CDK5RAP2: variants seen among roughly 807,000 people sequenced by gnomAD.
CDK5RAP2 encodes the protein CDK5 regulatory subunit associated protein 2.
Under a neutral mutation model 232.9 loss-of-function variants are expected in CDK5RAP2, and 147 were observed. The ratio of observed to expected loss-of-function variants is 0.63; its 90% CI spans 0.55 to 0.72. The LOEUF is 0.72. Among genes scored for constraint, CDK5RAP2 ranks in the 30% least tolerant of loss-of-function variants. The pLI is 0.00. For missense variants in CDK5RAP2, 2,195 were observed against 2,231.5 expected, an observed-to-expected ratio of 0.98 and a Z score of 0.33; for synonymous variants, 833 against 833.7, an observed-to-expected ratio of 1.00 and a Z score of 0.01.
At chr9:120,394,665 G>T (rs775760128) in intron 35 of CDK5RAP2, 27 bp from the exon 36 acceptor site, 3 of 1,524,564 alleles carry the variant, frequency 2.0e-6, no homozygotes, top group South Asian at 1.1e-5. Flanking sequence ...TTAGAAAAAT[G>T]AACAAAGAAC....
intron 5 of CDK5RAP2, among the ~76,000 whole-genome samples, chr9:120,541,009 T>C (rs2041609449): frequency 6.6e-6 from 1 of 152,236 alleles, no homozygotes; most frequent in Non-Finnish European, 1.5e-5. Context: ...CTGTCTTGAA[T>C]TCACAGTGAT....
In CDK5RAP2 at chr9:120,527,988, A is replaced by G. The variant is rs1359593178; in HGVS notation, c.880-63T>C. 2.5e-6 allele frequency: 4 copies of G among 1,594,612 alleles called. No homozygotes were observed. In the East Asian group the frequency reaches 6.7e-5, roughly 27 times the overall value. On this transcript the variant is annotated intron_variant, in intron 9 of 37. Transcript: ENST00000349780. ...GTTCCAACCAAAATGCACCATAAAT[A>G]TATCTTTAAGAGCACACTCAAATGC...
intron 4 of CDK5RAP2, among the ~76,000 whole-genome samples, chr9:120,546,427 T>G (rs1457801929): frequency 6.6e-6 from 1 of 152,176 alleles, no homozygotes; most frequent in Non-Finnish European, 1.5e-5. Flanking sequence ...GCCTTGGGCT[T>G]ATAACTCACG....
intron 18 of CDK5RAP2, among the ~76,000 whole-genome samples, chr9:120,461,279 T>G (rs1175520319): frequency 6.6e-6 from 1 of 152,268 alleles, no homozygotes; most frequent in Non-Finnish European, 1.5e-5. Context: ...AACTTTATGC[T>G]TTTGGAAATG....
intron 6 of CDK5RAP2, among the ~76,000 whole-genome samples, chr9:120,538,030 T>G (rs2041469702): frequency 6.6e-6 from 1 of 152,176 alleles, no homozygotes; most frequent in Non-Finnish European, 1.5e-5. Context: ...GTAAGTTAGA[T>G]CTCATAATTA....
At chr9:120,454,012 C>A in intron 20 of CDK5RAP2, 139 bp from the exon 21 acceptor site, 1 of 823,974 alleles carries the variant, frequency 1.2e-6, no homozygotes, top group South Asian at 1.4e-5. Flanking sequence ...CCACAACGTG[C>A]CAGGGCCCAC....
At chr9:120,477,626 G>A (rs1423163752) in intron 14 of CDK5RAP2, among the ~76,000 whole-genome samples, 176 bp from the exon 15 acceptor site, 1 of 152,158 alleles carries the variant, frequency 6.6e-6, no homozygotes, top group Non-Finnish European at 1.5e-5. Flanking sequence ...CAGGAGGAGT[G>A]GGGAATGACT....
intron 12 of CDK5RAP2, among the ~76,000 whole-genome samples, chr9:120,513,030 T>C (rs2040166473): frequency 6.6e-6 from 1 of 152,172 alleles, no homozygotes; most frequent in Non-Finnish European, 1.5e-5. Context: ...TTATCCTACC[T>C]GTGGGATGCA....
At chr9:120,572,095 T>C (rs2042876628) in intron 1 of CDK5RAP2, 54 bp from the exon 2 acceptor site, 2 of 1,336,916 alleles carry the variant, frequency 1.5e-6, no homozygotes, top group East Asian at 2.3e-5. Context: ...CAACAGAGAC[T>C]GTTAAGACGG....
chr9:120,397,944 A>C (rs1402879425), intron 35 of CDK5RAP2, among the ~76,000 whole-genome samples: 1 of 152,188 alleles, frequency 6.6e-6, no homozygotes, highest in African/African-American at 2.4e-5. Flanking sequence ...AACCACTGTA[A>C]ATCCATAGGG....
chr9:120,546,879 C>T (rs1197366612), intron 4 of CDK5RAP2, among the ~76,000 whole-genome samples: 1 of 152,220 alleles, frequency 6.6e-6, no homozygotes, highest in Non-Finnish European at 1.5e-5. Context: ...TCAAATGATA[C>T]TCCTGCTTCA....
At chr9:120,498,358 G>A (rs1046102127) in intron 12 of CDK5RAP2, among the ~76,000 whole-genome samples, 3 of 152,132 alleles carry the variant, frequency 2.0e-5, no homozygotes, top group African/African-American at 7.2e-5. Flanking sequence ...CACCAGACAA[G>A]CCCAAATTTA....
At chr9:120,440,123 A>G in intron 23 of CDK5RAP2, 151 bp from the exon 24 acceptor site, 1 of 693,332 alleles carries the variant, frequency 1.4e-6, no homozygotes, top group East Asian at 2.7e-5. Flanking sequence ...CACTTCCCTC[A>G]AAAAGCCTCC....
At chr9:120,468,089 CTT>C in intron 17 of CDK5RAP2, 92 bp from the exon 18 acceptor site, 2 of 1,253,532 alleles carry the variant, frequency 1.6e-6, no homozygotes, top group Non-Finnish European at 2.3e-6. Flanking sequence ...TCAAGCGACT[CTT>C]TGGCACCACA....
chr9:120,558,045 C>T (rs1437750641), intron 3 of CDK5RAP2, among the ~76,000 whole-genome samples: 7 of 143,008 alleles, frequency 4.9e-5, no homozygotes, highest in Non-Finnish European at 7.6e-5. Flanking sequence ...GGATTACAGG[C>T]GTGAGCCACC....
intron 11 of CDK5RAP2, 44 bp downstream of exon 11, chr9:120,524,942 G>T (rs765575465): frequency 7.9e-6 from 11 of 1,396,870 alleles, no homozygotes; most frequent in Admixed American, 1.7e-5. Flanking sequence ...CTCACCAGGG[G>T]TCAGGATCAA....
chr9:120,460,470 G>A, intron 19 of CDK5RAP2, 102 bp downstream of exon 19: 1 of 1,040,328 alleles, frequency 9.6e-7, no homozygotes, highest in Non-Finnish European at 1.5e-6. Context: ...CAGGATATAG[G>A]CAGAATGAAC....
chr9:120,527,581 A>G, intron 10 of CDK5RAP2, among the ~76,000 whole-genome samples: 1 of 152,146 alleles, frequency 6.6e-6, no homozygotes, highest in East Asian at 1.9e-4. Flanking sequence ...TGTGGCCACT[A>G]GAAAGTTTTA....
chr9:120,429,922 A>G (rs75260248), intron 25 of CDK5RAP2, among the ~76,000 whole-genome samples: 4,830 of 152,330 alleles, frequency 0.032, 94 homozygotes, highest in East Asian at 0.042. Flanking sequence ...ATACAGATCA[A>G]TGGGAACAGA....
Sources: gnomAD v4.1 joint callset for allele counts (sites outside exome capture counted in the v4.1 genomes callset) on GRCh38, gnomAD v4.1.1 for gene constraint, MANE v1.5 for transcripts, NCBI Gene and HGNC (gene_info 2026-07-23, HGNC 2026-07-21) for gene names.